CDH18: variants seen among roughly 807,000 people sequenced by gnomAD.
The protein encoded by CDH18 is cadherin-18.
In CDH18, 31 loss-of-function variants were observed where a neutral mutation model predicts 67.9. That is an observed-to-expected ratio of 0.46 (90% CI 0.34 to 0.62). CDH18 has a LOEUF of 0.62. Ranked by LOEUF, CDH18 falls within the 20% of genes least tolerant of loss-of-function variation. The probability of loss-of-function intolerance (pLI) is 0.01; values close to 1 mark genes in which losing one functional copy is unlikely to be tolerated. For missense variants in CDH18, 890 were observed against 975.5 expected (o/e 0.91, Z 1.17); for synonymous variants, 362 against 347.2 (o/e 1.04, Z -0.48).
intron 1 of CDH18, among the ~76,000 whole-genome samples, chr5:20,406,260 A>C (rs1292591795): frequency 6.6e-6 from 1 of 152,224 alleles, no homozygotes; most frequent in South Asian, 2.1e-4. Context: ...GCCATAAAAA[A>C]GGATGAGTTC....
chr5:19,519,797 A>C (rs1425064515), intron 10 of CDH18, among the ~76,000 whole-genome samples: 2 of 152,104 alleles, frequency 1.3e-5, no homozygotes, highest in Non-Finnish European at 2.9e-5. Flanking sequence ...GAGTAAAGGA[A>C]AGTCTTGACT....
chr5:20,266,571 ATTTTTTTTT>A (rs34718835), intron 1 of CDH18, among the ~76,000 whole-genome samples: 8 of 59,188 alleles, frequency 1.4e-4, no homozygotes, highest in Admixed American at 5.8e-4. Flanking sequence ...GCCCGGCTGA[ATTTTTTTTT>A]TTTTTTTTTT....
chr5:20,207,302 A>T (rs562212808), intron 2 of CDH18, among the ~76,000 whole-genome samples: 1 of 152,166 alleles, frequency 6.6e-6, no homozygotes, highest in East Asian at 1.9e-4. Context: ...TATAAAAGGA[A>T]AACTATAAAA....
At chr5:20,018,405 A>C (rs1738079506) in intron 2 of CDH18, among the ~76,000 whole-genome samples, 1 of 152,192 alleles carries the variant, frequency 6.6e-6, no homozygotes. Flanking sequence ...TTTGCAAACA[A>C]GATTCTTTTG....
At chr5:19,910,129 C>G (rs1373816586) in intron 2 of CDH18, among the ~76,000 whole-genome samples, 1 of 152,044 alleles carries the variant, frequency 6.6e-6, no homozygotes, top group Non-Finnish European at 1.5e-5. Context: ...CAATGTGGCT[C>G]AATAACTGTG....
At chr5:20,480,096 A>T (rs1752688226) in intron 1 of CDH18, among the ~76,000 whole-genome samples, 1 of 152,328 alleles carries the variant, frequency 6.6e-6, no homozygotes, top group Non-Finnish European at 1.5e-5. Flanking sequence ...AAGCTAATGG[A>T]TGTCATCAAC....
rs76531305 is a variant in CDH18 at position 20,015,336 on chromosome 5, T to C, written c.-517-23322A>G. Among the ~76,000 whole-genome samples, 25 of 152,206 alleles carry C rather than the reference T, an allele frequency of 1.6e-4. No homozygotes were observed. The East Asian group carries it at 2.9e-3, about 18-fold the overall frequency. On this transcript the variant is annotated intron_variant, in intron 2 of 14. Coordinates refer to the CDH18 transcript ENST00000507958. ...TGTGTTTTCCCAGAGGGCTGAGTAA[T>C]TGAGCATGGTCCACCTATCAGAAAA... is the stretch of plus-strand genomic sequence containing the variant.
At chr5:20,530,493 C>A (rs1243932019) in intron 1 of CDH18, among the ~76,000 whole-genome samples, 2 of 152,010 alleles carry the variant, frequency 1.3e-5, no homozygotes, top group Non-Finnish European at 2.9e-5. Context: ...AACTATACTA[C>A]AAGGCAACAG....
At chr5:19,511,253 T>C (rs1485980485) in intron 10 of CDH18, among the ~76,000 whole-genome samples, 1 of 152,164 alleles carries the variant, frequency 6.6e-6, no homozygotes, top group Non-Finnish European at 1.5e-5. Flanking sequence ...CATGCTGAAC[T>C]GTGAGTCAAT....
intron 5 of CDH18, among the ~76,000 whole-genome samples, chr5:19,674,468 TC>T (rs1330032400): frequency 6.6e-6 from 1 of 152,164 alleles, no homozygotes; most frequent in African/African-American, 2.4e-5. Flanking sequence ...TAACAATTTT[TC>T]CTTCGGATGG....
At chr5:20,479,464 A>C (rs1752647757) in intron 1 of CDH18, among the ~76,000 whole-genome samples, 1 of 152,100 alleles carries the variant, frequency 6.6e-6, no homozygotes, top group African/African-American at 2.4e-5. Context: ...TAAATGAAAA[A>C]CTTAGTTGAC....
At chr5:19,764,648 T>TAC (rs1200099456) in intron 3 of CDH18, among the ~76,000 whole-genome samples, 76 of 143,820 alleles carry the variant, frequency 5.3e-4, no homozygotes, top group Middle Eastern at 3.7e-3. Context: ...TATATATATA[T>TAC]ACACACACAC....
At chr5:20,111,779 G>A (rs1345840220) in intron 2 of CDH18, among the ~76,000 whole-genome samples, 11 of 151,834 alleles carry the variant, frequency 7.2e-5, no homozygotes, top group Non-Finnish European at 1.6e-4. Flanking sequence ...TCTTGACCTC[G>A]TGATCTGCCC....
At chr5:20,324,384 CA>C (rs1167400087) in intron 1 of CDH18, among the ~76,000 whole-genome samples, 1 of 151,812 alleles carries the variant, frequency 6.6e-6, no homozygotes, top group African/African-American at 2.4e-5. Flanking sequence ...TTAAAAAATA[CA>C]AAAAAATTAG....
intron 2 of CDH18, among the ~76,000 whole-genome samples, chr5:20,239,402 G>C (rs1334190162): frequency 6.6e-6 from 1 of 152,160 alleles, no homozygotes; most frequent in Non-Finnish European, 1.5e-5. Flanking sequence ...GTCGCAGCAA[G>C]CCAAGATCAT....
At chr5:19,549,499 T>C (rs1736961843) in intron 8 of CDH18, among the ~76,000 whole-genome samples, 2 of 151,978 alleles carry the variant, frequency 1.3e-5, no homozygotes, top group African/African-American at 4.8e-5. Context: ...AATACAATCT[T>C]TATCCATTCA....
chr5:20,173,388 C>T (rs553389436), intron 2 of CDH18, among the ~76,000 whole-genome samples: 3 of 151,950 alleles, frequency 2.0e-5, no homozygotes, highest in African/African-American at 4.8e-5. Context: ...TAAGAAAGAA[C>T]GAGAAGACCT....
At chr5:19,853,287 A>C (rs1247892069) in intron 2 of CDH18, among the ~76,000 whole-genome samples, 4 of 152,220 alleles carry the variant, frequency 2.6e-5, no homozygotes, top group African/African-American at 9.6e-5. Flanking sequence ...GCAGAGACAG[A>C]GGAAGCTCTC....
chr5:20,086,604 T>C (rs1403037067), intron 2 of CDH18, among the ~76,000 whole-genome samples: 1 of 152,162 alleles, frequency 6.6e-6, no homozygotes, highest in East Asian at 1.9e-4. Context: ...CCATTGCTCA[T>C]TTACCACTCC....
Sources: gnomAD v4.1 joint callset for allele counts (sites outside exome capture counted in the v4.1 genomes callset) on GRCh38, gnomAD v4.1.1 for gene constraint, MANE v1.5 for transcripts, NCBI Gene and HGNC (gene_info 2026-07-23, HGNC 2026-07-21) for gene names.